Variants in BID observed in about 807,000 individuals in gnomAD.
BID encodes BH3-interacting domain death agonist.
In BID, 19 loss-of-function variants were observed where a neutral mutation model predicts 17.4. The ratio of observed to expected loss-of-function variants is 1.09; its 90% confidence interval spans 0.76 to 1.60. The LOEUF (loss-of-function observed/expected upper bound fraction) is 1.60. Ranked by LOEUF, BID falls within the 40% of genes most tolerant of loss-of-function variation. The pLI, the probability that BID is intolerant of heterozygous loss-of-function variation, is 0.00. For missense variants in BID, 226 were observed against 256.0 expected (o/e 0.88, Z 0.80); for synonymous variants, 108 against 102.8 (o/e 1.05, Z -0.31).
chr22:17,772,413 G>A (rs1044959865), intron 1 of BID, among the ~76,000 whole-genome samples: 50 of 152,258 alleles, frequency 3.3e-4, no homozygotes, highest in African/African-American at 1.2e-3. Context: ...CTGGAGAATG[G>A]TGACCAGATG....
intron 3 of BID, among the ~76,000 whole-genome samples, chr22:17,743,215 G>GT (rs1412363281): frequency 6.6e-6 from 1 of 152,260 alleles, no homozygotes; most frequent in Admixed American, 6.5e-5. Flanking sequence ...GGTATAGACA[G>GT]TGCAAAAGTC....
At position 17,753,853 on chromosome 22, in the gene BID, A is replaced by C. The variant is rs990679721; in HGVS notation, c.-58-3679T>G. Among the ~76,000 whole-genome samples the C allele has an allele frequency of 2.0e-5, 3 of 152,230 alleles. No homozygotes were observed. The East Asian group carries it at 5.8e-4, about 29-fold the overall frequency. ...CAGCCAGGTTCCCCAAGGCCCTCGC[A>C]GTGAGCAGGGTGAGGTGCCGAGCCC... On this transcript the variant is annotated intron_variant, in intron 1 of 5. Coordinates refer to ENST00000622694, the MANE Select transcript of BID (RefSeq NM_001196.4).
intron 1 of BID, among the ~76,000 whole-genome samples, chr22:17,751,096 G>A (rs2061535186): frequency 1.3e-5 from 2 of 152,126 alleles, no homozygotes; most frequent in African/African-American, 2.4e-5. Context: ...ACTGAGGCCG[G>A]GCGCGGTGGC....
At position 17,753,756 on chromosome 22, in the gene BID, C is replaced by T. The variant is rs531309343; in HGVS notation, c.-58-3582G>A. 9.2e-5 allele frequency among the ~76,000 whole-genome samples: 14 copies of T among 152,370 alleles called. No homozygotes were observed. The East Asian group carries it at 2.3e-3, about 25-fold the overall frequency. On this transcript the variant is annotated intron_variant, in intron 1 of 5. Coordinates refer to ENST00000622694, the MANE Select transcript of BID (RefSeq NM_001196.4). ...TCTCTTCCAAGGGCCAGTGGGAAGA[C>T]GGCCAGGCAGATGGGAAACGGGAAA...
intron 1 of BID, among the ~76,000 whole-genome samples, chr22:17,772,352 C>A (rs8190280): frequency 1.2e-4 from 18 of 152,320 alleles, no homozygotes; most frequent in Admixed American, 1.2e-3. Context: ...GGGCAGACGC[C>A]CAGCTGCTCT....
chr22:17,741,255 C>G (rs1343895415), intron 3 of BID: 1 of 152,232 alleles, frequency 6.6e-6, no homozygotes. Flanking sequence ...AAGTGACGTG[C>G]TAAGGAGTGG....
At chr22:17,763,993 T>C (rs1356031694) in intron 1 of BID, among the ~76,000 whole-genome samples, 2 of 152,156 alleles carry the variant, frequency 1.3e-5, no homozygotes, top group Admixed American at 6.5e-5. Context: ...TAAAAGTCCA[T>C]GGAGAATTCA....
chr22:17,743,107 C>T (rs2061472412), intron 3 of BID, among the ~76,000 whole-genome samples: 1 of 152,400 alleles, frequency 6.6e-6, no homozygotes, highest in East Asian at 1.9e-4. Context: ...TTACCCTTTG[C>T]TGGACCTGGG....
At chr22:17,774,575 G>C (rs2061746694), upstream of BID, 1 of 150,210 alleles carries the variant, frequency 6.7e-6, no homozygotes, top group Non-Finnish European at 1.5e-5. Flanking sequence ...GCCCGCGCCG[G>C]CGCGGGGCTG....
At chr22:17,771,160 C>T (rs911374276) in intron 1 of BID, among the ~76,000 whole-genome samples, 12 of 152,152 alleles carry the variant, frequency 7.9e-5, no homozygotes, top group African/African-American at 2.7e-4. Flanking sequence ...AGTGCAGTGG[C>T]GCGATCTCGG....
At chr22:17,770,927 G>A (rs972775373) in intron 1 of BID, among the ~76,000 whole-genome samples, 6 of 152,152 alleles carry the variant, frequency 3.9e-5, no homozygotes, top group Admixed American at 2.0e-4. Context: ...ATCCGGACCC[G>A]GAGCCAGACT....
In BID at chr22:17,769,456, G is replaced by A. The variant is rs562526469; in HGVS notation, c.-59+4925C>T. On this transcript the variant is annotated intron_variant, in intron 1 of 5. Transcript: ENST00000622694. This position sits in a 1 kb window ranked among gnomAD's most constrained non-coding sequence, Gnocchi z 4.8. ...TCACAGCCAGGCCCCATCTCTCCCT[G>A]CCTGGATTTCAGGGGAAGTGGGGCT... Among the ~76,000 whole-genome samples, 1 of 152,338 alleles carries A rather than the reference G, an allele frequency of 6.6e-6. No homozygotes were observed. The highest frequency in any genetic ancestry group is 2.1e-4 in the South Asian group (1 of 4,828).
chr22:17,761,567 G>A (rs1053179419), intron 1 of BID, among the ~76,000 whole-genome samples: 4 of 151,898 alleles, frequency 2.6e-5, no homozygotes, highest in Non-Finnish European at 5.9e-5. Context: ...GAGTAGCTGG[G>A]ACTACAGGCG....
intron 1 of BID, among the ~76,000 whole-genome samples, chr22:17,758,513 C>G (rs570768858): frequency 1.3e-5 from 2 of 152,322 alleles, no homozygotes; most frequent in African/African-American, 4.8e-5. Flanking sequence ...CCCATGCTAA[C>G]AGCAAACAAA....
chr22:17,750,301 G>A (rs577543562), intron 1 of BID, 127 bp from the exon 2 acceptor site: 21 of 756,296 alleles, frequency 2.8e-5, no homozygotes, highest in Middle Eastern at 2.8e-4. Flanking sequence ...CCTGAGCCCC[G>A]CATCCTGAGT....
At chr22:17,749,000 A>C (rs971062731) in intron 2 of BID, among the ~76,000 whole-genome samples, 1 of 152,078 alleles carries the variant, frequency 6.6e-6, no homozygotes, top group Non-Finnish European at 1.5e-5. Flanking sequence ...TGAAATCCAC[A>C]CCGTCCCCAC....
At chr22:17,739,547 T>C (rs1187044566) in intron 3 of BID, 59 bp from the exon 4 acceptor site, 5 of 1,563,960 alleles carry the variant, frequency 3.2e-6, no homozygotes, top group African/African-American at 1.3e-5. Flanking sequence ...CCTGATACCC[T>C]CTCCCACACC....
intron 1 of BID, among the ~76,000 whole-genome samples, chr22:17,766,282 C>CTTTTT (rs71201884): frequency 7.4e-6 from 1 of 135,138 alleles, no homozygotes; most frequent in Non-Finnish European, 1.6e-5. Context: ...TTCTTTCTTT[C>CTTTTT]TTTTTTTTTT....
chr22:17,751,216 C>CA (rs1189228254), intron 1 of BID, among the ~76,000 whole-genome samples: 1 of 150,322 alleles, frequency 6.7e-6, no homozygotes, highest in Non-Finnish European at 1.5e-5. Flanking sequence ...ACTAAAAATA[C>CA]AAAAAATTAG....
Sources: gnomAD v4.1 joint callset for allele counts (sites outside exome capture counted in the v4.1 genomes callset) on GRCh38, gnomAD v4.1.1 for gene constraint, Gnocchi (gnomAD v3.1) non-coding constraint, MANE v1.5 for transcripts, NCBI Gene and HGNC (gene_info 2026-07-23, HGNC 2026-07-21) for gene names.